APMAP: variants seen among roughly 807,000 people sequenced by gnomAD.
APMAP encodes the protein adipocyte plasma membrane-associated protein.
APMAP carries 33 observed loss-of-function variants against 43.6 expected under a neutral mutation model. The ratio of observed to expected loss-of-function variants is 0.76; its 90% CI spans 0.57 to 1.01. The LOEUF is 1.01. APMAP is among the 50% of genes least tolerant of loss of function. The pLI is 0.00. For synonymous variants in APMAP, 224 were observed against 216.7 expected, an observed-to-expected ratio of 1.03 and a Z score of -0.30; for missense variants, 498 against 540.7, an observed-to-expected ratio of 0.92 and a Z score of 0.78.
At chr20:24,984,275 T>C (rs1301134100) in intron 1 of APMAP, among the ~76,000 whole-genome samples, 1 of 152,184 alleles carries the variant, frequency 6.6e-6, no homozygotes, top group Admixed American at 6.5e-5. Context: ...TTTCCAGATC[T>C]TGAATCCTCC....
chr20:24,971,634 C>T, intron 4 of APMAP, 58 bp from the exon 5 acceptor site: 1 of 1,374,878 alleles, frequency 7.3e-7, no homozygotes, highest in Non-Finnish European at 1.0e-6. Context: ...ATGTGCTGTT[C>T]TCAGTATCCA....
chr20:24,987,324 A>G (rs1051914725), intron 1 of APMAP, among the ~76,000 whole-genome samples: 6 of 152,194 alleles, frequency 3.9e-5, no homozygotes, highest in Non-Finnish European at 7.3e-5. Context: ...ACATCTTGCT[A>G]CATTGTCCAG....
intron 6 of APMAP, 54 bp downstream of exon 6, chr20:24,970,143 C>G (rs2087985732): frequency 1.3e-6 from 2 of 1,597,584 alleles, no homozygotes; most frequent in Non-Finnish European, 1.7e-6. Flanking sequence ...TCTGCTGAAG[C>G]AACTGGCCTG....
intron 4 of APMAP, among the ~76,000 whole-genome samples, chr20:24,971,800 T>G (rs1237142844): frequency 1.3e-5 from 2 of 151,922 alleles, no homozygotes; most frequent in Non-Finnish European, 2.9e-5. Context: ...CTGTAGGTGC[T>G]TACTGCAGGG....
At chr20:24,982,388 G>A (rs572953175) in intron 2 of APMAP, among the ~76,000 whole-genome samples, 18 of 152,226 alleles carry the variant, frequency 1.2e-4, no homozygotes, top group African/African-American at 3.9e-4. Context: ...TGGCTGCAGC[G>A]GTTCCACTGC....
chr20:24,978,757 T>A lies in APMAP; in HGVS notation c.328+10A>T. 5.9e-6 allele frequency: 6 copies of A among 1,021,812 alleles called. No homozygotes were observed. Among genetic ancestry groups the A allele is most frequent in the Non-Finnish European group, 8.3e-6 (6 of 723,148 alleles). 63.3% of individuals were successfully genotyped at this position (1,021,812 alleles called of 1,614,324 possible). On this transcript the variant is annotated intron_variant, in intron 3 of 8. Transcript: ENST00000217456. ...TGGAAGGCTCCCCCCCCACCCAAGC[T>A]TAGACTTACCCCCAATATGTGCTAT...
chr20:24,966,614 A>G (rs2087945853), intron 8 of APMAP, among the ~76,000 whole-genome samples: 1 of 152,254 alleles, frequency 6.6e-6, no homozygotes, highest in African/African-American at 2.4e-5. Flanking sequence ...TCTGGGACAC[A>G]GCTGACCTGT....
At chr20:24,977,424 G>A (rs1236485840) in intron 3 of APMAP, among the ~76,000 whole-genome samples, 1 of 152,222 alleles carries the variant, frequency 6.6e-6, no homozygotes, top group Non-Finnish European at 1.5e-5. Flanking sequence ...AATAAAGCCT[G>A]CTATAGTTGG....
chr20:24,967,971 G>T (rs529368846), intron 8 of APMAP, among the ~76,000 whole-genome samples: 19 of 152,376 alleles, frequency 1.2e-4, no homozygotes, highest in African/African-American at 4.6e-4. Context: ...CCCCCAGGAG[G>T]GGTCCAGACA....
chr20:24,969,752 C>A, intron 6 of APMAP, 92 bp from the exon 7 acceptor site: 1 of 1,473,900 alleles, frequency 6.8e-7, no homozygotes, highest in South Asian at 1.3e-5. Flanking sequence ...GGTGACTCCG[C>A]CTCACCCCGG....
chr20:24,987,964 G>A (rs1224473627), intron 1 of APMAP, among the ~76,000 whole-genome samples: 20 of 152,096 alleles, frequency 1.3e-4, no homozygotes, highest in Admixed American at 1.3e-3. Context: ...TGACAGAAAC[G>A]CTTCTGACAG....
intron 1 of APMAP, among the ~76,000 whole-genome samples, chr20:24,989,070 ATTC>A (rs1363973630): frequency 1.3e-5 from 2 of 151,218 alleles, no homozygotes; most frequent in Admixed American, 6.6e-5. Context: ...GTTAACCACA[ATTC>A]TTCTGTCTTT....
At chr20:24,988,001 T>C (rs979212890) in intron 1 of APMAP, among the ~76,000 whole-genome samples, 2 of 152,086 alleles carry the variant, frequency 1.3e-5, no homozygotes, top group African/African-American at 4.8e-5. Flanking sequence ...AGACAAAGCA[T>C]ATGGAAAGGT....
At chr20:24,973,760 G>C (rs377034714) in intron 3 of APMAP, 23 bp from the exon 4 acceptor site, 1 of 1,606,860 alleles carries the variant, frequency 6.2e-7, no homozygotes, top group Admixed American at 1.7e-5. Flanking sequence ...ACAAAAAGGA[G>C]GAAGAGCAAT....
intron 3 of APMAP, 42 bp downstream of exon 3, chr20:24,978,725 G>C (rs1178470409): frequency 2.5e-6 from 3 of 1,204,854 alleles, no homozygotes; most frequent in East Asian, 3.0e-5. Context: ...TCAGACAACA[G>C]ACAGCCTGGA....
At chr20:24,971,350 TCA>T in intron 5 of APMAP, 108 bp downstream of exon 5, 1 of 972,958 alleles carries the variant, frequency 1.0e-6, no homozygotes, top group East Asian at 2.6e-5. Flanking sequence ...ATAAGAAATA[TCA>T]GAGTCTTTAG....
chr20:24,965,577 G>A (rs1304053272), intron 8 of APMAP, among the ~76,000 whole-genome samples: 2 of 152,214 alleles, frequency 1.3e-5, no homozygotes, highest in Non-Finnish European at 2.9e-5. Flanking sequence ...GTGAGGAGGT[G>A]TCCCCACAGT....
At chr20:24,973,927 G>A (rs893746638) in intron 3 of APMAP, among the ~76,000 whole-genome samples, 190 bp from the exon 4 acceptor site, 6 of 152,296 alleles carry the variant, frequency 3.9e-5, no homozygotes, top group Non-Finnish European at 5.9e-5. Flanking sequence ...ATAAAACTGC[G>A]GGGGCCTAGG....
chr20:24,968,244 T>C (rs1187063365), intron 8 of APMAP, among the ~76,000 whole-genome samples: 2 of 152,118 alleles, frequency 1.3e-5, no homozygotes, highest in South Asian at 2.1e-4. Context: ...AAAGGCTGTG[T>C]TGAAGGGGCT....
Sources: allele counts gnomAD v4.1 joint callset (sites outside exome capture counted in the v4.1 genomes callset), GRCh38; gene constraint gnomAD v4.1.1; transcripts MANE v1.5; gene names NCBI Gene and HGNC (gene_info 2026-07-23, HGNC 2026-07-21).